The following NKD2 variants were observed in gnomAD, a reference collection of about 807,000 sequenced individuals.
NKD2 encodes the protein NKD inhibitor of Wnt signaling pathway 2, also known as protein naked cuticle homolog 2.
Under a neutral mutation model 34.8 loss-of-function variants are expected in NKD2, and 43 were observed. The observed-to-expected ratio is 1.24, with a 90% CI of 0.97 to 1.60. The LOEUF (loss-of-function observed/expected upper bound fraction) is 1.60. Among genes scored for constraint, NKD2 ranks in the 40% most tolerant of loss-of-function variants. NKD2 has a pLI of 0.00. For missense variants in NKD2, 675 were observed against 627.1 expected (o/e 1.08, Z -0.82); for synonymous variants, 278 against 265.1 (o/e 1.05, Z -0.47).
intron 9 of NKD2, chr5:1,036,730 AG>A (rs1373522962): frequency 3.0e-5 from 15 of 498,850 alleles, no homozygotes; most frequent in Non-Finnish European, 3.5e-5. Context: ...TCAGTATTTT[AG>A]GGTGGAATCA....
chr5:1,033,962 G>A (rs539442651), intron 5 of NKD2, among the ~76,000 whole-genome samples: 2 of 152,350 alleles, frequency 1.3e-5, no homozygotes, highest in East Asian at 1.9e-4. Context: ...TCTGGGTGAC[G>A]TGGAGTGCTT....
At chr5:1,036,845 G>A (rs768570579) in intron 9 of NKD2, 2 of 449,488 alleles carry the variant, frequency 4.4e-6, no homozygotes, top group African/African-American at 4.1e-5. Flanking sequence ...AACAGACAGT[G>A]TCGACAGCAG....
chr5:1,013,343 T>C (rs1432842319), intron 3 of NKD2, among the ~76,000 whole-genome samples: 1 of 152,232 alleles, frequency 6.6e-6, no homozygotes, highest in Non-Finnish European at 1.5e-5. Flanking sequence ...TGCTTTCTTT[T>C]TGGTGCCCTC....
At chr5:1,014,690 T>C (rs1755879087) in intron 3 of NKD2, among the ~76,000 whole-genome samples, 1 of 152,098 alleles carries the variant, frequency 6.6e-6, no homozygotes, top group East Asian at 1.9e-4. Flanking sequence ...TAGGCTAGGG[T>C]TGGGGGTTCG....
chr5:1,036,336 T>C lies in NKD2; in HGVS notation c.739T>C (p.Tyr247His), dbSNP rs1733923917. 1 of 1,612,964 alleles carries C rather than the reference T, an allele frequency of 6.2e-7. No homozygotes were observed. Among genetic ancestry groups the C allele is most frequent in the Non-Finnish European group, 8.5e-7 (1 of 1,179,840 alleles). ...VDENTERRNH[Y>H]LDLAGIENYT... ...CGAGAACACGGAGCGCAGAAACCAC[T>C]ACCTGGACCTCGCCGGGATTGAGAA... is the stretch of plus-strand genomic sequence containing the variant. Residue 247 changes from tyrosine to histidine, a missense_variant, in exon 9 of 10, where the codon TAC (tyrosine) becomes CAC (histidine). Transcript: ENST00000296849.
At chr5:1,011,866 C>T (rs191925479) in intron 3 of NKD2, among the ~76,000 whole-genome samples, 1 of 152,372 alleles carries the variant, frequency 6.6e-6, no homozygotes, top group East Asian at 1.9e-4. Context: ...CTGCGGAGCG[C>T]CACACTTTGC....
At chr5:1,031,787 G>T (rs568130260) in intron 3 of NKD2, among the ~76,000 whole-genome samples, 2 of 152,062 alleles carry the variant, frequency 1.3e-5, no homozygotes, top group Non-Finnish European at 2.9e-5. Flanking sequence ...GCAGTGCTGG[G>T]AGCAGGCCCC....
chr5:1,035,536 G>A, intron 8 of NKD2, 63 bp downstream of exon 8: 2 of 1,325,034 alleles, frequency 1.5e-6, no homozygotes, highest in Non-Finnish European at 2.1e-6. Context: ...CCACACCCCT[G>A]CTTCCCGCAG....
At chr5:1,036,060 G>T (rs1276549432) in intron 8 of NKD2, 197 bp from the exon 9 acceptor site, 5 of 1,291,992 alleles carry the variant, frequency 3.9e-6, no homozygotes, top group Non-Finnish European at 3.9e-6. Context: ...GGTTCTGGGG[G>T]TCGGCTGTGA....
chr5:1,021,411 C>T (rs1344206288), intron 3 of NKD2, among the ~76,000 whole-genome samples: 3 of 135,004 alleles, frequency 2.2e-5, no homozygotes, highest in East Asian at 2.2e-4. Flanking sequence ...CCCCTGCCCC[C>T]GACCCAGCCC....
At chr5:1,035,363 G>C (rs376213343) in intron 7 of NKD2, 26 bp from the exon 8 acceptor site, 1 of 1,533,356 alleles carries the variant, frequency 6.5e-7, no homozygotes, top group Non-Finnish European at 8.8e-7. Context: ...GGGAGGGAGT[G>C]AGTAATGGCA....
At chr5:1,010,771 C>T (rs1755722127) in intron 3 of NKD2, among the ~76,000 whole-genome samples, 1 of 152,182 alleles carries the variant, frequency 6.6e-6, no homozygotes. Context: ...CCAGGTGCTC[C>T]TGGTATGATT....
chr5:1,034,555 T>C (rs1733737040), intron 6 of NKD2, among the ~76,000 whole-genome samples: 1 of 152,170 alleles, frequency 6.6e-6, no homozygotes, highest in African/African-American at 2.4e-5. Flanking sequence ...AAGGCTGCCC[T>C]CAGGGCACTG....
chr5:1,035,864 G>C, intron 8 of NKD2: 1 of 386,950 alleles, frequency 2.6e-6, no homozygotes, highest in Non-Finnish European at 4.7e-6. Flanking sequence ...AATGGCTAAG[G>C]GTGGCTGGGG....
At position 1,038,472 on chromosome 5, in the gene NKD2, G is replaced by GCCCCCA. The variant is rs1554005857; in HGVS notation, c.*105_*110dup. ...CGGCTGTGTGCCCATGGGGAGCCCA[G>GCCCCCA]CCCCCACCCCCCACCTCCGACAGCA... On this transcript the variant is annotated 3_prime_UTR_variant, in exon 10 of 10. Transcript: ENST00000296849. This position sits in a 1 kb window ranked among gnomAD's most constrained non-coding sequence, Gnocchi z 4.5. 1.3e-6 allele frequency: 2 copies of GCCCCCA among 1,531,708 alleles called. No individual in the cohort carries two copies. The highest frequency in any genetic ancestry group is 2.8e-5 in the African/African-American group (2 of 71,716). 94.9% of individuals were successfully genotyped at this position (1,531,708 alleles called of 1,614,324 possible).
At chr5:1,027,341 A>G (rs1864094) in intron 3 of NKD2, among the ~76,000 whole-genome samples, 58,875 of 152,158 alleles carry the variant, frequency 0.39, 12,422 homozygotes, top group Middle Eastern at 0.48. Context: ...GTCCTGTGTC[A>G]GGCGGTGTAG....
intron 5 of NKD2, 42 bp downstream of exon 5, chr5:1,033,541 G>A (rs1382493118): frequency 6.6e-7 from 1 of 1,522,316 alleles, no homozygotes; most frequent in Non-Finnish European, 8.9e-7. Flanking sequence ...CACGTCCCTG[G>A]GGCCGGGGGC....
chr5:1,013,565 C>T (rs1036606878), intron 3 of NKD2, among the ~76,000 whole-genome samples: 2 of 152,228 alleles, frequency 1.3e-5, no homozygotes, highest in African/African-American at 2.4e-5. Context: ...AGCCATAGGA[C>T]GGGTTGGATA....
Position 1,021,306 on chromosome 5 carries a change from T to TCCCCCCGGC in NKD2, c.142-10840_142-10832dup, listed in dbSNP as rs1474322619. ...TGGGAAGCCCGGCTCCCCTGCCCGGTCCCCCCGGCCCCCCACCTCCCAGCC... is the reference window on the plus strand; with the variant it reads ...TGGGAAGCCCGGCTCCCCTGCCCGGTCCCCCCGGCCCCCCCGGCCCCCCACCTCCCAGCC... On this transcript the variant is annotated intron_variant, in intron 3 of 9. Transcript: ENST00000296849. Among the ~76,000 whole-genome samples the TCCCCCCGGC allele has an allele frequency of 1.3e-3, 92 of 70,882 alleles. 1 individual carries two copies. Among genetic ancestry groups the TCCCCCCGGC allele is most frequent in the Middle Eastern group, 0.011 (2 of 186 alleles). The allele number at this position is 70,882 out of a possible 152,430, so 46.5% of individuals were successfully genotyped here. A position where few individuals can be genotyped will look rare whatever the true frequency, so the allele number is the denominator to read the frequency against.
Sources: allele counts gnomAD v4.1 joint callset (sites outside exome capture counted in the v4.1 genomes callset), GRCh38; gene constraint gnomAD v4.1.1; non-coding constraint Gnocchi (gnomAD v3.1); transcripts MANE v1.5; gene names NCBI Gene and HGNC (gene_info 2026-07-23, HGNC 2026-07-21).